The following TMEM30A variants were observed in gnomAD, a reference collection of about 807,000 sequenced individuals.
TMEM30A encodes cell cycle control protein 50A.
A neutral mutation model predicts 38.2 loss-of-function variants in TMEM30A; 24 were observed. That is an observed-to-expected ratio of 0.63 (90% confidence interval 0.46 to 0.88). The LOEUF (loss-of-function observed/expected upper bound fraction) is 0.88, where lower values mean the gene tolerates loss of function less well. TMEM30A is among the 40% of genes least tolerant of loss of function. TMEM30A has a pLI of 0.00. For missense variants in TMEM30A, 370 were observed against 458.6 expected (o/e 0.81, Z 1.77); for synonymous variants, 145 against 161.6 (o/e 0.90, Z 0.78).
intron 1 of TMEM30A, among the ~76,000 whole-genome samples, chr6:75,272,013 A>C (rs1772181268): frequency 6.6e-6 from 1 of 152,204 alleles, no homozygotes; most frequent in Non-Finnish European, 1.5e-5. Flanking sequence ...GGAAATCACA[A>C]GGTATATTTA....
At chr6:75,264,970 T>C (rs1188667231) in intron 3 of TMEM30A, among the ~76,000 whole-genome samples, 8 of 151,360 alleles carry the variant, frequency 5.3e-5, no homozygotes, top group African/African-American at 1.9e-4. Flanking sequence ...TGTGGTGGTA[T>C]ACACCTGTAA....
chr6:75,282,804 C>T (rs957057554), intron 1 of TMEM30A, among the ~76,000 whole-genome samples: 1 of 152,142 alleles, frequency 6.6e-6, no homozygotes, highest in Non-Finnish European at 1.5e-5. Flanking sequence ...AATGATTCTA[C>T]CTATTTTGCA....
chr6:75,269,076 C>T (rs1280859107), intron 1 of TMEM30A, among the ~76,000 whole-genome samples: 2 of 152,104 alleles, frequency 1.3e-5, no homozygotes, highest in African/African-American at 2.4e-5. Context: ...CTGCCTCTGA[C>T]ACACACACAC....
At chr6:75,268,938 A>G (rs1772117559) in intron 1 of TMEM30A, among the ~76,000 whole-genome samples, 1 of 152,228 alleles carries the variant, frequency 6.6e-6, no homozygotes, top group African/African-American at 2.4e-5. Flanking sequence ...GGTTGATGTC[A>G]GAAGATCTGG....
chr6:75,273,104 G>C (rs1772202309), intron 1 of TMEM30A, among the ~76,000 whole-genome samples: 1 of 152,094 alleles, frequency 6.6e-6, no homozygotes, highest in Admixed American at 6.5e-5. Flanking sequence ...CTGACTCTCT[G>C]TACGTCCCAT....
intron 1 of TMEM30A, among the ~76,000 whole-genome samples, chr6:75,279,876 A>C (rs1408791813): frequency 6.6e-6 from 1 of 152,224 alleles, no homozygotes; most frequent in Admixed American, 6.5e-5. Flanking sequence ...GGAAATCAAC[A>C]TAAGACCTAA....
intron 1 of TMEM30A, among the ~76,000 whole-genome samples, chr6:75,282,067 AC>A (rs1161251838): frequency 2.0e-5 from 3 of 152,218 alleles, no homozygotes; most frequent in African/African-American, 7.2e-5. Flanking sequence ...CAATTTAAAC[AC>A]ATCCTGCTTT....
intron 1 of TMEM30A, among the ~76,000 whole-genome samples, chr6:75,275,010 C>CAA (rs71002728): frequency 8.0e-6 from 1 of 124,702 alleles, no homozygotes; most frequent in Non-Finnish European, 1.7e-5. Flanking sequence ...GACTCTGTCT[C>CAA]AAAAAAAAAA....
Position 75,280,424 on chromosome 6 carries a change from C to T in TMEM30A, c.237+3978G>A, listed in dbSNP as rs76172724. Among the ~76,000 whole-genome samples, 646 of 152,144 alleles carry T rather than the reference C, an allele frequency of 4.2e-3. 2 individuals carry two copies. Among genetic ancestry groups the T allele is most frequent in the Admixed American group, 6.2e-3 (95 of 15,280 alleles). ...GGTTCTTATGTAACAAGAGAGAAAA[C>T]AAATTTGCAACAATTTTTATTGATA... is the stretch of plus-strand genomic sequence containing the variant. On this transcript the variant is annotated intron_variant, in intron 1 of 6. Transcript: ENST00000230461.
intron 6 of TMEM30A, among the ~76,000 whole-genome samples, chr6:75,258,527 A>C (rs559952042): frequency 1.3e-5 from 2 of 152,328 alleles, no homozygotes; most frequent in East Asian, 1.9e-4. Context: ...CTTGTTAATA[A>C]AACAAGCACC....
At chr6:75,260,737 A>C (rs1771951300) in intron 4 of TMEM30A, 87 bp downstream of exon 4, 1 of 760,108 alleles carries the variant, frequency 1.3e-6, no homozygotes, top group Non-Finnish European at 2.0e-6. Context: ...TCTCAATTTC[A>C]TTCATGTTTA....
At chr6:75,277,641 A>G (rs1384373340) in intron 1 of TMEM30A, among the ~76,000 whole-genome samples, 2 of 152,104 alleles carry the variant, frequency 1.3e-5, no homozygotes, top group African/African-American at 2.4e-5. Flanking sequence ...GTGGCTAACA[A>G]TGCTTGTAAT....
intron 3 of TMEM30A, among the ~76,000 whole-genome samples, chr6:75,262,701 C>T (rs1304105647): frequency 6.6e-6 from 1 of 151,914 alleles, no homozygotes; most frequent in Non-Finnish European, 1.5e-5. Context: ...TTGATGAGTA[C>T]CTAATATGCA....
At chr6:75,259,255 A>G in intron 5 of TMEM30A, 92 bp downstream of exon 5, 1 of 1,405,990 alleles carries the variant, frequency 7.1e-7, no homozygotes, top group Non-Finnish European at 9.6e-7. Flanking sequence ...TGTTTTTCAA[A>G]GCATAACTTT....
intron 6 of TMEM30A, 23 bp downstream of exon 6, chr6:75,258,757 T>C (rs1301547947): frequency 6.2e-7 from 1 of 1,608,884 alleles, no homozygotes. Flanking sequence ...TATGAATCTG[T>C]ATACCCAGCC....
chr6:75,259,541 G>A, intron 4 of TMEM30A, 51 bp from the exon 5 acceptor site: 1 of 1,497,362 alleles, frequency 6.7e-7, no homozygotes, highest in Non-Finnish European at 9.0e-7. Flanking sequence ...AAAACTCATA[G>A]CATCTGCTTA....
chr6:75,277,667 G>C (rs1329977282), intron 1 of TMEM30A, among the ~76,000 whole-genome samples: 2 of 152,282 alleles, frequency 1.3e-5, no homozygotes, highest in East Asian at 3.9e-4. Context: ...CACTCTGGGA[G>C]GACATGGCAA....
chr6:75,268,037 C>T (rs191992628), intron 1 of TMEM30A, among the ~76,000 whole-genome samples: 5 of 152,296 alleles, frequency 3.3e-5, no homozygotes, highest in South Asian at 2.1e-4. Context: ...TGCATATTTA[C>T]ATAGCTAAAA....
intron 1 of TMEM30A, among the ~76,000 whole-genome samples, chr6:75,281,929 C>A (rs1414627242): frequency 1.3e-5 from 2 of 152,288 alleles, no homozygotes; most frequent in East Asian, 1.9e-4. Flanking sequence ...AGAAGCATTT[C>A]TCTATACATT....
Sources: allele counts gnomAD v4.1 joint callset (sites outside exome capture counted in the v4.1 genomes callset), GRCh38; gene constraint gnomAD v4.1.1; transcripts MANE v1.5; gene names NCBI Gene and HGNC (gene_info 2026-07-23, HGNC 2026-07-21).